The following GPD2 variants were observed in gnomAD, a reference collection of about 807,000 sequenced individuals.
The protein encoded by GPD2 is glycerol-3-phosphate dehydrogenase, mitochondrial.
Under a neutral mutation model 82.4 loss-of-function variants are expected in GPD2, and 54 were observed. That is an observed-to-expected ratio of 0.66 (90% CI 0.53 to 0.82). The LOEUF (loss-of-function observed/expected upper bound fraction) is 0.82. Ranked by LOEUF, GPD2 falls within the 40% of genes least tolerant of loss-of-function variation. The pLI is 0.00. For missense variants in GPD2, 748 were observed against 896.2 expected (o/e 0.83, Z 2.11); for synonymous variants, 288 against 306.1 (o/e 0.94, Z 0.62).
chr2:156,461,351 A>G (rs1293043774), intron 1 of GPD2, among the ~76,000 whole-genome samples: 3 of 152,048 alleles, frequency 2.0e-5, no homozygotes, highest in Non-Finnish European at 4.4e-5. Flanking sequence ...TATAAGTTTC[A>G]TCGTATCATT....
intron 6 of GPD2, among the ~76,000 whole-genome samples, chr2:156,530,978 C>T (rs913256352): frequency 8.5e-5 from 13 of 152,100 alleles, no homozygotes; most frequent in Admixed American, 2.6e-4. Flanking sequence ...GGGCATGCAC[C>T]ACGGTGCTTT....
intron 6 of GPD2, among the ~76,000 whole-genome samples, chr2:156,546,179 G>A (rs914647650): frequency 4.6e-5 from 7 of 152,296 alleles, no homozygotes; most frequent in Admixed American, 2.6e-4. Context: ...CACAGTTCCC[G>A]TCTGGGTCCT....
At chr2:156,578,866 C>A (rs779494571) in intron 13 of GPD2, 23 bp from the exon 14 acceptor site, 12 of 1,294,424 alleles carry the variant, frequency 9.3e-6, no homozygotes, top group Non-Finnish European at 1.0e-5. Flanking sequence ...TGTCTTTGAA[C>A]TTTGTGTGTA....
At chr2:156,418,738 G>C in the GPD2 span, among the ~76,000 whole-genome samples, 1 of 152,236 alleles carries the variant, frequency 6.6e-6, no homozygotes, top group Admixed American at 6.5e-5. Flanking sequence ...ATACAATCCT[G>C]GTGTACGTTA....
At chr2:156,483,712 G>A (rs1460146173) in intron 2 of GPD2, among the ~76,000 whole-genome samples, 1 of 152,178 alleles carries the variant, frequency 6.6e-6, no homozygotes, top group Admixed American at 6.5e-5. Context: ...ATTTAATCTT[G>A]TGGCATCTGC....
chr2:156,465,774 A>G (rs1558912152), intron 1 of GPD2, among the ~76,000 whole-genome samples: 1 of 152,204 alleles, frequency 6.6e-6, no homozygotes, highest in South Asian at 2.1e-4. Flanking sequence ...ATAAAGGGTT[A>G]GTAAAGGGGC....
chr2:156,442,812 AG>A (rs1201802381), intron 1 of GPD2, among the ~76,000 whole-genome samples: 1 of 152,200 alleles, frequency 6.6e-6, no homozygotes, highest in Non-Finnish European at 1.5e-5. Flanking sequence ...AAAATAAAAA[AG>A]TAATAAAAAA....
intron 1 of GPD2, among the ~76,000 whole-genome samples, chr2:156,443,910 G>T (rs1269278160): frequency 3.3e-5 from 5 of 152,154 alleles, no homozygotes; most frequent in Non-Finnish European, 5.9e-5. Flanking sequence ...CTTATCAAAG[G>T]CGTTGGATTC....
At chr2:156,489,754 C>T (rs1168205642) in intron 2 of GPD2, among the ~76,000 whole-genome samples, 1 of 85,406 alleles carries the variant, frequency 1.2e-5, no homozygotes, top group African/African-American at 4.6e-5. Context: ...CTCCCTCGCT[C>T]CCTTCTCTTC....
At chr2:156,465,562 G>C (rs1474421483) in intron 1 of GPD2, among the ~76,000 whole-genome samples, 1 of 151,832 alleles carries the variant, frequency 6.6e-6, no homozygotes, top group African/African-American at 2.4e-5. Context: ...ACAGGGTCTC[G>C]CTTCCCAGGT....
At chr2:156,452,673 C>G (rs1199651291) in intron 1 of GPD2, among the ~76,000 whole-genome samples, 2 of 152,106 alleles carry the variant, frequency 1.3e-5, no homozygotes, top group Non-Finnish European at 2.9e-5. Context: ...TTTGTTAGAA[C>G]TAGAGGATAA....
chr2:156,493,688 T>C (rs1261987327), intron 2 of GPD2, among the ~76,000 whole-genome samples: 1 of 152,160 alleles, frequency 6.6e-6, no homozygotes. Flanking sequence ...AACTTATTTC[T>C]CAAGTATTTC....
intron 3 of GPD2, among the ~76,000 whole-genome samples, chr2:156,508,092 AAAC>A (rs761508064): frequency 1.3e-5 from 2 of 152,036 alleles, no homozygotes; most frequent in South Asian, 2.1e-4. Flanking sequence ...TGGTGGCGTA[AAAC>A]AACAATTATC....
chr2:156,538,389 G>C (rs982523258), intron 6 of GPD2, among the ~76,000 whole-genome samples: 3 of 151,990 alleles, frequency 2.0e-5, no homozygotes, highest in Non-Finnish European at 4.4e-5. Context: ...AGAAGATGGT[G>C]GGGGATAGAA....
chr2:156,566,808 A>T (rs572648832), intron 9 of GPD2, among the ~76,000 whole-genome samples: 1 of 152,038 alleles, frequency 6.6e-6, no homozygotes, highest in Non-Finnish European at 1.5e-5. Context: ...GCACCATTTT[A>T]CCTTCTAACC....
intron 1 of GPD2, among the ~76,000 whole-genome samples, chr2:156,449,569 G>T (rs763665925): frequency 2.6e-4 from 39 of 152,136 alleles, no homozygotes; most frequent in Admixed American, 1.2e-3. Flanking sequence ...GCAACTGTGG[G>T]TGATATTGCT....
intron 6 of GPD2, among the ~76,000 whole-genome samples, chr2:156,540,120 A>G (rs934908007): frequency 1.3e-5 from 2 of 152,230 alleles, no homozygotes; most frequent in African/African-American, 4.8e-5. Flanking sequence ...AGCTTGAAAA[A>G]TAAGGGACTA....
chr2:156,585,194 C>T lies in GPD2; in HGVS notation c.*2276C>T, dbSNP rs1331887257. ...ATTTTGTATAAGCTCTTAATTAAAC[C>T]TGTACAGCTTCTTTACCTGATTTAA... On this transcript the variant is annotated 3_prime_UTR_variant, in exon 17 of 17. Coordinates refer to ENST00000438166, the MANE Select transcript of GPD2 (RefSeq NM_000408.5). The T allele has an allele frequency of 1.3e-5, 2 of 152,310 alleles. No individual in the cohort carries two copies. Among genetic ancestry groups the T allele is most frequent in the African/African-American group, 4.8e-5 (2 of 41,394 alleles). 9.4% of individuals were successfully genotyped at this position (152,310 alleles called of 1,614,324 possible). A position where few individuals can be genotyped will look rare whatever the true frequency, so the allele number is the denominator to read the frequency against.
chr2:156,453,895 A>G (rs928114959), intron 1 of GPD2, among the ~76,000 whole-genome samples: 2 of 152,124 alleles, frequency 1.3e-5, no homozygotes, highest in Non-Finnish European at 2.9e-5. Flanking sequence ...AAAACAAAAC[A>G]AAAAAGAAAA....
Sources: allele counts gnomAD v4.1 joint callset (sites outside exome capture counted in the v4.1 genomes callset), GRCh38; gene constraint gnomAD v4.1.1; transcripts MANE v1.5; gene names NCBI Gene and HGNC (gene_info 2026-07-23, HGNC 2026-07-21).